Variants in LMNB1 observed in about 807,000 individuals in gnomAD.
LMNB1 encodes lamin B1.
LMNB1 carries 23 observed loss-of-function variants against 67.1 expected under a neutral mutation model. The observed-to-expected ratio is 0.34, with a 90% CI of 0.25 to 0.49. The LOEUF (loss-of-function observed/expected upper bound fraction) is 0.49. Among genes scored for constraint, LMNB1 ranks in the 20% least tolerant of loss-of-function variants. The probability of loss-of-function intolerance (pLI) is 0.99; values close to 1 mark genes in which losing one functional copy is unlikely to be tolerated. For missense variants in LMNB1, 634 were observed against 746.5 expected, an observed-to-expected ratio of 0.85 and a Z score of 1.76; for synonymous variants, 281 against 282.9, an observed-to-expected ratio of 0.99 and a Z score of 0.07.
chr5:126,777,185 G>A lies in LMNB1; in HGVS notation c.-324G>A, dbSNP rs1750477019. ...AAAGTGCTGCGAGCAGGAGACGGCG[G>A]CGGCGCGAACCCTGCTGGGCCTCCA... On this transcript the variant is annotated 5_prime_UTR_variant, in exon 1 of 11. Transcript: ENST00000261366. 3.9e-6 allele frequency: 1 copy of A among 258,306 alleles called. No homozygotes were observed. Among genetic ancestry groups the A allele is most frequent in the Non-Finnish European group, 7.3e-6 (1 of 137,112 alleles). 16.0% of individuals were successfully genotyped at this position (258,306 alleles called of 1,614,324 possible).
chr5:126,788,341 G>GTAT (rs1358781180), intron 1 of LMNB1, among the ~76,000 whole-genome samples: 1 of 152,022 alleles, frequency 6.6e-6, no homozygotes, highest in Non-Finnish European at 1.5e-5. Context: ...GGGATGATAA[G>GTAT]TAATAGAGAG....
Position 126,794,236 on chromosome 5 carries a change from T to G in LMNB1, c.360-10540T>G, listed in dbSNP as rs138979467. ...CACCGTGCCTGGCCGAGTTTTTGTGTATTAAGTTATATTTGTTTTAATTTC... is the reference window on the plus strand; with the variant it reads ...CACCGTGCCTGGCCGAGTTTTTGTGGATTAAGTTATATTTGTTTTAATTTC... On this transcript the variant is annotated intron_variant, in intron 1 of 10. Transcript: ENST00000261366. Among the ~76,000 whole-genome samples the G allele has an allele frequency of 5.6e-4, 85 of 152,288 alleles. 2 individuals are homozygous for G. In the East Asian group the frequency reaches 0.016, roughly 28 times the overall value.
intron 1 of LMNB1, among the ~76,000 whole-genome samples, chr5:126,779,065 A>G (rs1487351116): frequency 6.6e-6 from 1 of 152,122 alleles, no homozygotes; most frequent in Non-Finnish European, 1.5e-5. Context: ...AAATTTCTGG[A>G]GGTACCTTAT....
chr5:126,787,546 A>ATATTTATTTTTT, intron 1 of LMNB1, among the ~76,000 whole-genome samples: 1 of 65,584 alleles, frequency 1.5e-5, no homozygotes, highest in Non-Finnish European at 2.7e-5. Flanking sequence ...ATATATATAT[A>ATATTTATTTTTT]TTTTTTTTTT....
At chr5:126,782,157 A>G (rs1750649163) in intron 1 of LMNB1, among the ~76,000 whole-genome samples, 1 of 152,114 alleles carries the variant, frequency 6.6e-6, no homozygotes, top group Non-Finnish European at 1.5e-5. Context: ...ACTAGATATA[A>G]CAGAAAGTTA....
intron 5 of LMNB1, among the ~76,000 whole-genome samples, chr5:126,812,241 T>C (rs756332090): frequency 5.3e-5 from 8 of 152,202 alleles, no homozygotes; most frequent in Non-Finnish European, 1.0e-4. Flanking sequence ...CTCAACACCT[T>C]CCTTTTTTAT....
intron 1 of LMNB1, among the ~76,000 whole-genome samples, chr5:126,792,142 C>CT (rs5871231): frequency 0.011 from 1,389 of 123,096 alleles, 21 homozygotes; most frequent in African/African-American, 0.022. Flanking sequence ...GATTTGGTTC[C>CT]TTTTTTTTTT....
chr5:126,821,156 T>C lies in LMNB1; in HGVS notation c.1386+21T>C, dbSNP rs780751358. On this transcript the variant is annotated intron_variant, in intron 7 of 10. Transcript: ENST00000261366. ...AACAGGTAATAAAATAGACCCTTTT[T>C]TTTCTAGCAAGGCTTTGTGGATTGC... The C allele has an allele frequency of 5.9e-6, 9 of 1,523,168 alleles. No homozygotes were observed. The East Asian group carries it at 2.0e-4, about 34-fold the overall frequency. 94.4% of individuals were successfully genotyped at this position (1,523,168 alleles called of 1,614,324 possible).
At chr5:126,800,296 C>T (rs115979974) in intron 1 of LMNB1, among the ~76,000 whole-genome samples, 2,340 of 152,220 alleles carry the variant, frequency 0.015, 38 homozygotes, top group South Asian at 0.034. Context: ...GCACCAAGTG[C>T]TGTGGAGCCC....
chr5:126,828,392 G>GC, intron 9 of LMNB1, among the ~76,000 whole-genome samples: 1 of 152,122 alleles, frequency 6.6e-6, no homozygotes, highest in East Asian at 1.9e-4. Flanking sequence ...AGGTTTAAAT[G>GC]CCCCAAAAAA....
In LMNB1 at chr5:126,777,649, C is replaced by G; in HGVS notation, c.141C>G (p.Ile47Met). ...TCAATGACCGGCTGGCGGTGTACAT[C>G]GACAAGGTGCGCAGCCTGGAGACGG... ...RELNDRLAVY[I>M]DKVRSLETEN... is the part of the protein sequence containing the mutation. The change falls in exon 1 of 11, where the codon ATC becomes ATG. Residue 47 changes from isoleucine to methionine, a missense_variant. Coordinates refer to ENST00000261366, the MANE Select transcript of LMNB1 (RefSeq NM_005573.4). 1 of 1,544,192 alleles carries G rather than the reference C, an allele frequency of 6.5e-7. No homozygotes were observed. Among genetic ancestry groups the G allele is most frequent in the Non-Finnish European group, 8.7e-7 (1 of 1,144,652 alleles).
At chr5:126,829,969 AAAAT>A (rs576954231) in intron 9 of LMNB1, among the ~76,000 whole-genome samples, 15 of 152,338 alleles carry the variant, frequency 9.8e-5, no homozygotes, top group African/African-American at 3.6e-4. Context: ...AGGGAAATAA[AAAAT>A]AAAGCAGTCC....
Position 126,792,377 on chromosome 5 carries a change from A to T in LMNB1, c.360-12399A>T, listed in dbSNP as rs148902640. On this transcript the variant is annotated intron_variant, in intron 1 of 10. Coordinates refer to ENST00000261366, the MANE Select transcript of LMNB1 (RefSeq NM_005573.4). Reference sequence around the variant, plus strand: ...AGGCTCGTCTTAAACTCCTGACCTCAGGTGATTCGCCTGCCTCCCAAAGTG... The same window carrying T: ...AGGCTCGTCTTAAACTCCTGACCTCTGGTGATTCGCCTGCCTCCCAAAGTG... Among the ~76,000 whole-genome samples, 510 of 151,282 alleles carry T rather than the reference A, an allele frequency of 3.4e-3. 4 individuals carry two copies. Among genetic ancestry groups the T allele is most frequent in the African/African-American group, 0.012 (486 of 41,200 alleles).
intron 1 of LMNB1, among the ~76,000 whole-genome samples, chr5:126,787,546 A>ATATATATAGATATTTTTTTTTTTTTT: frequency 1.5e-5 from 1 of 65,584 alleles, no homozygotes; most frequent in African/African-American, 6.6e-5. Context: ...ATATATATAT[A>ATATATATAGATATTTTTTTTTTTTTT]TTTTTTTTTT....
intron 3 of LMNB1, among the ~76,000 whole-genome samples, chr5:126,808,681 A>G (rs941085988): frequency 1.3e-5 from 2 of 152,054 alleles, no homozygotes; most frequent in African/African-American, 4.8e-5. Flanking sequence ...AATAGATGTG[A>G]TCTCTGGGAA....
At chr5:126,797,538 C>T (rs758820432) in intron 1 of LMNB1, among the ~76,000 whole-genome samples, 3 of 152,152 alleles carry the variant, frequency 2.0e-5, no homozygotes, top group Non-Finnish European at 4.4e-5. Flanking sequence ...TGTTTGGAGG[C>T]ATTGTCAGAT....
chr5:126,785,921 G>A (rs1233343802), intron 1 of LMNB1, among the ~76,000 whole-genome samples: 1 of 151,720 alleles, frequency 6.6e-6, no homozygotes, highest in Non-Finnish European at 1.5e-5. Context: ...GGCTGAGGCA[G>A]GAGAACTGCT....
At position 126,808,695 on chromosome 5, in the gene LMNB1, G is replaced by T. The variant is rs185317769; in HGVS notation, c.643-1485G>T. On this transcript the variant is annotated intron_variant, in intron 3 of 10. Coordinates refer to ENST00000261366, the MANE Select transcript of LMNB1 (RefSeq NM_005573.4). ...AAATAGATGTGATCTCTGGGAAGGT[G>T]ATAGCAGAATCCTCCTGATTTTTCT... Among the ~76,000 whole-genome samples, 358 of 152,256 alleles carry T rather than the reference G, an allele frequency of 2.4e-3. 1 individual carries two copies. Among genetic ancestry groups the T allele is most frequent in the African/African-American group, 7.6e-3 (317 of 41,540 alleles).
chr5:126,821,637 G>C (rs1751870631), intron 7 of LMNB1, among the ~76,000 whole-genome samples: 1 of 152,186 alleles, frequency 6.6e-6, no homozygotes, highest in African/African-American at 2.4e-5. Context: ...GCCTTATTTT[G>C]AAATATGTTT....
Sources: gnomAD v4.1 joint callset for allele counts (sites outside exome capture counted in the v4.1 genomes callset) on GRCh38, gnomAD v4.1.1 for gene constraint, MANE v1.5 for transcripts, NCBI Gene and HGNC (gene_info 2026-07-23, HGNC 2026-07-21) for gene names.